NDST3: variants seen among roughly 807,000 people sequenced by gnomAD.
NDST3 encodes bifunctional heparan sulfate N-deacetylase/N-sulfotransferase 3.
Under a neutral mutation model 96.1 loss-of-function variants are expected in NDST3, and 58 were observed. The ratio of observed to expected loss-of-function variants is 0.60; its 90% CI spans 0.49 to 0.75. The LOEUF is 0.75. NDST3 is among the 30% of genes least tolerant of loss of function. The probability of loss-of-function intolerance (pLI) is 0.00; values close to 1 mark genes in which losing one functional copy is unlikely to be tolerated. For missense variants in NDST3, 788 were observed against 1,034.2 expected (o/e 0.76, Z 3.27); for synonymous variants, 333 against 359.7 (o/e 0.93, Z 0.84).
At chr4:118,151,095 C>A (rs975406296) in intron 6 of NDST3, among the ~76,000 whole-genome samples, 2 of 152,004 alleles carry the variant, frequency 1.3e-5, no homozygotes, top group Non-Finnish European at 2.9e-5. Context: ...TAGGGACATG[C>A]ATGAAATTGG....
At chr4:118,059,924 A>C (rs1313894836) in intron 2 of NDST3, among the ~76,000 whole-genome samples, 1 of 152,032 alleles carries the variant, frequency 6.6e-6, no homozygotes, top group Non-Finnish European at 1.5e-5. Context: ...TCTCTTATTT[A>C]CTGATATTCA....
At chr4:118,191,254 A>G (rs540362518) in intron 6 of NDST3, among the ~76,000 whole-genome samples, 1 of 152,328 alleles carries the variant, frequency 6.6e-6, no homozygotes, top group East Asian at 1.9e-4. Context: ...ACGGCCAGAA[A>G]AGCACCTTAA....
chr4:118,166,265 T>C (rs969209028), intron 6 of NDST3, among the ~76,000 whole-genome samples: 12 of 151,872 alleles, frequency 7.9e-5, no homozygotes, highest in African/African-American at 2.9e-4. Context: ...TAATAGTCTA[T>C]AATGTACAAT....
chr4:118,082,805 A>G (rs1235618940), intron 2 of NDST3, among the ~76,000 whole-genome samples: 1 of 152,156 alleles, frequency 6.6e-6, no homozygotes, highest in Non-Finnish European at 1.5e-5. Context: ...AAGAGGCTTA[A>G]TTGACTCACC....
intron 1 of NDST3, among the ~76,000 whole-genome samples, chr4:118,040,922 T>C (rs1231726661): frequency 1.3e-5 from 2 of 148,494 alleles, no homozygotes; most frequent in Non-Finnish European, 3.0e-5. Context: ...AAATTTTGTA[T>C]ATTTTTTGTA....
chr4:118,137,168 A>G (rs1733171604), intron 4 of NDST3, among the ~76,000 whole-genome samples: 1 of 152,232 alleles, frequency 6.6e-6, no homozygotes, highest in African/African-American at 2.4e-5. Flanking sequence ...ACAGTCATTA[A>G]TTTAAAAGAA....
intron 2 of NDST3, among the ~76,000 whole-genome samples, chr4:118,103,076 T>C (rs1729891648): frequency 6.6e-6 from 1 of 152,130 alleles, no homozygotes; most frequent in South Asian, 2.1e-4. Context: ...AGGTTTCTTA[T>C]ATATAGTTTT....
chr4:118,154,848 C>G (rs1734622797), intron 6 of NDST3, among the ~76,000 whole-genome samples: 1 of 152,118 alleles, frequency 6.6e-6, no homozygotes, highest in South Asian at 2.1e-4. Flanking sequence ...ATGTACATTC[C>G]TTCTTAATAT....
chr4:118,081,278 C>G (rs1232717992), intron 2 of NDST3, among the ~76,000 whole-genome samples: 2 of 152,066 alleles, frequency 1.3e-5, no homozygotes, highest in Non-Finnish European at 2.9e-5. Flanking sequence ...TTCCTTATCT[C>G]TCCTAAAAAA....
intron 2 of NDST3, among the ~76,000 whole-genome samples, chr4:118,055,926 A>T (rs896869361): frequency 9.2e-5 from 14 of 151,952 alleles, no homozygotes; most frequent in Admixed American, 4.6e-4. Flanking sequence ...ATTAAATGTT[A>T]CTGTAAGAGA....
Position 118,208,600 on chromosome 4 carries a change from T to C in NDST3, c.1540-15891T>C, listed in dbSNP as rs144697459. Among the ~76,000 whole-genome samples the C allele has an allele frequency of 1.7e-3, 243 of 144,240 alleles. 29 individuals are homozygous for C. The highest frequency in any genetic ancestry group is 6.1e-3 in the African/African-American group (238 of 39,106). The allele number at this position is 144,240 out of a possible 152,430, so 94.6% of individuals were successfully genotyped here. ...GGCTTGCATAGGCCCAGTCAAGCCCTAGTATATTCTCTCTAATAAAGGAAC... is the reference window on the plus strand; with the variant it reads ...GGCTTGCATAGGCCCAGTCAAGCCCCAGTATATTCTCTCTAATAAAGGAAC... On this transcript the variant is annotated intron_variant, in intron 6 of 13. Coordinates refer to ENST00000296499, the MANE Select transcript of NDST3 (RefSeq NM_004784.3).
At position 118,107,095 on chromosome 4, in the gene NDST3, A is replaced by ATCATC. The variant is rs1330121197; in HGVS notation, c.1069+1990_1069+1991insTCATC. On this transcript the variant is annotated intron_variant, in intron 3 of 13. Transcript: ENST00000296499. ...ACAGAGCGAGACTCCATCTCAAAATAATAATAATAATAATAATCATCATCA... is the reference window on the plus strand; with the variant it reads ...ACAGAGCGAGACTCCATCTCAAAATATCATCATAATAATAATAATAATCATCATCA... 4.6e-3 allele frequency among the ~76,000 whole-genome samples: 698 copies of ATCATC among 151,298 alleles called. 8 individuals carry two copies. In the East Asian group the frequency reaches 0.046, roughly 10 times the overall value.
chr4:118,045,859 C>G (rs547134262), intron 1 of NDST3, among the ~76,000 whole-genome samples: 1 of 151,922 alleles, frequency 6.6e-6, no homozygotes, highest in Non-Finnish European at 1.5e-5. Context: ...AATCACAGGA[C>G]CTGTCTTAAT....
chr4:118,160,024 C>T (rs1175330896), intron 6 of NDST3, among the ~76,000 whole-genome samples: 2 of 152,036 alleles, frequency 1.3e-5, no homozygotes, highest in African/African-American at 4.8e-5. Context: ...GCCAAAACTT[C>T]CCAAATACGG....
chr4:118,219,897 G>A (rs771477064), intron 6 of NDST3, among the ~76,000 whole-genome samples: 6 of 151,804 alleles, frequency 4.0e-5, no homozygotes, highest in Middle Eastern at 3.2e-3. Flanking sequence ...TGTGGCCAAC[G>A]AACATACAAA....
At chr4:118,126,298 T>C (rs1171016019) in intron 4 of NDST3, among the ~76,000 whole-genome samples, 2 of 151,978 alleles carry the variant, frequency 1.3e-5, no homozygotes, top group Non-Finnish European at 2.9e-5. Context: ...CTGGTAGCCA[T>C]CCTTCGACTC....
rs188857564 is a variant in NDST3, at chr4:118,060,531, G to T, written c.981+5640G>T. 4.7e-4 allele frequency among the ~76,000 whole-genome samples: 72 copies of T among 152,188 alleles called. 1 individual carries two copies. In the East Asian group the frequency reaches 0.013, roughly 27 times the overall value. ...TCAATATTTGTCTTTTAATTAACAA[G>T]ATCAATCTACATATAGTTAATTGGA... On this transcript the variant is annotated intron_variant, in intron 2 of 13. Transcript: ENST00000296499.
chr4:118,034,854 A>G (rs2110414131), intron 1 of NDST3, among the ~76,000 whole-genome samples: 1 of 152,328 alleles, frequency 6.6e-6, no homozygotes, highest in East Asian at 1.9e-4. Context: ...ATTGTTTAAG[A>G]TATTCACCAA....
At chr4:118,066,274 T>TTA (rs1174581169) in intron 2 of NDST3, among the ~76,000 whole-genome samples, 25 of 11,970 alleles carry the variant, frequency 2.1e-3, no homozygotes, top group South Asian at 0.011. Flanking sequence ...ATTATATATA[T>TTA]TATATATTAT....
Sources: allele counts gnomAD v4.1 joint callset (sites outside exome capture counted in the v4.1 genomes callset), GRCh38; gene constraint gnomAD v4.1.1; transcripts MANE v1.5; gene names NCBI Gene and HGNC (gene_info 2026-07-23, HGNC 2026-07-21).